Variants in C11orf65 observed in about 807,000 individuals in gnomAD.
C11orf65 encodes chromosome 11 open reading frame 65.
C11orf65 carries 38 observed loss-of-function variants against 35.3 expected under a neutral mutation model. The observed-to-expected ratio is 1.08, with a 90% confidence interval of 0.83 to 1.41. The LOEUF (loss-of-function observed/expected upper bound fraction) is 1.41, where lower values mean the gene tolerates loss of function less well. C11orf65 is among the 40% of genes most tolerant of loss of function. The probability of loss-of-function intolerance (pLI) is 0.00; values close to 1 mark genes in which losing one functional copy is unlikely to be tolerated. For synonymous variants in C11orf65, 105 were observed against 114.4 expected (o/e 0.92, Z 0.53); for missense variants, 370 against 367.1 (o/e 1.01, Z -0.06).
chr11:108,332,057 G>A lies in C11orf65; in HGVS notation c.300-490C>T, dbSNP rs775245736. ...GATGAGGTATTTGGATTAAACATACGTACCTTTTAGAAGTGTGATATTCAG... is the reference window on the plus strand; with the variant it reads ...GATGAGGTATTTGGATTAAACATACATACCTTTTAGAAGTGTGATATTCAG... On this transcript the variant is annotated intron_variant, in intron 3 of 3. Transcript: ENST00000524755. The A allele has an allele frequency of 8.7e-6, 14 of 1,611,888 alleles. No individual in the cohort carries two copies. The highest frequency in any genetic ancestry group is 5.5e-5 in the South Asian group (5 of 90,966).
At chr11:108,315,175 G>A (rs2084511458) in intron 6 of C11orf65, among the ~76,000 whole-genome samples, 1 of 152,212 alleles carries the variant, frequency 6.6e-6, no homozygotes, top group Admixed American at 6.5e-5. Context: ...AATTATTAGT[G>A]TCACATGGCA....
chr11:108,309,388 C>T (rs558307146), intron 6 of C11orf65, among the ~76,000 whole-genome samples: 4 of 152,280 alleles, frequency 2.6e-5, no homozygotes, highest in Admixed American at 2.6e-4. Flanking sequence ...TATTCATCAG[C>T]TTTGCAGGCA....
At chr11:108,418,731 A>C (rs1407283558) in intron 3 of C11orf65, among the ~76,000 whole-genome samples, 1 of 152,130 alleles carries the variant, frequency 6.6e-6, no homozygotes, top group African/African-American at 2.4e-5. Context: ...GGAAAAGACC[A>C]ATAAAAGTAA....
chr11:108,373,554 C>T (rs1321272873), intron 2 of C11orf65, among the ~76,000 whole-genome samples: 2 of 152,182 alleles, frequency 1.3e-5, no homozygotes, highest in Admixed American at 1.3e-4. Context: ...GCCAAGATGG[C>T]CAAATAGGAA....
At chr11:108,469,056 G>A (rs993342802), upstream of C11orf65, among the ~76,000 whole-genome samples, 1 of 151,864 alleles carries the variant, frequency 6.6e-6, no homozygotes, top group Non-Finnish European at 1.5e-5. Flanking sequence ...GTGTTAGCCA[G>A]GATGGTCTCA....
intron 6 of C11orf65, among the ~76,000 whole-genome samples, chr11:108,317,913 CAT>C (rs2084889485): frequency 6.6e-6 from 1 of 151,834 alleles, no homozygotes; most frequent in South Asian, 2.1e-4. Context: ...TATCATCTCG[CAT>C]AGTTTGTTGG....
chr11:108,446,820 T>G (rs1216976834), intron 2 of C11orf65, among the ~76,000 whole-genome samples: 2 of 152,230 alleles, frequency 1.3e-5, no homozygotes, highest in East Asian at 1.9e-4. Context: ...ATGCTCCAAT[T>G]AAAAGACACA....
chr11:108,335,134 G>T, intron 3 of C11orf65: 1 of 1,613,724 alleles, frequency 6.2e-7, no homozygotes, highest in African/African-American at 1.3e-5. Context: ...CTCTGGCTTA[G>T]CCCTTAGAGT....
chr11:108,459,075 T>A (rs1041321968), intron 2 of C11orf65, among the ~76,000 whole-genome samples: 7 of 152,158 alleles, frequency 4.6e-5, no homozygotes, highest in African/African-American at 1.7e-4. Context: ...GAGTAAGTAA[T>A]TACCAGGCTT....
At chr11:108,415,642 A>T (rs1335717412) in intron 3 of C11orf65, among the ~76,000 whole-genome samples, 1 of 152,218 alleles carries the variant, frequency 6.6e-6, no homozygotes, top group Non-Finnish European at 1.5e-5. Context: ...CAAAAGACCC[A>T]GAATAGCCAC....
Position 108,331,488 on chromosome 11 carries a change from G to A in C11orf65, c.*62C>T, listed in dbSNP as rs1591167543. Reference sequence around the variant, plus strand: ...CAACATATAAATTTTTGCCTCTTATGTACCAATTGGCTGCTAGAATGGGGA... The same window carrying A: ...CAACATATAAATTTTTGCCTCTTATATACCAATTGGCTGCTAGAATGGGGA... On this transcript the variant is annotated 3_prime_UTR_variant, in exon 4 of 4. Coordinates refer to the C11orf65 transcript ENST00000524755. 3.7e-6 allele frequency: 6 copies of A among 1,613,258 alleles called. No homozygotes were observed. The highest frequency in any genetic ancestry group is 5.1e-6 in the Non-Finnish European group (6 of 1,179,702).
chr11:108,328,956 G>A (rs2085966435), downstream of C11orf65: 1 of 1,465,178 alleles, frequency 6.8e-7, no homozygotes, highest in Admixed American at 1.7e-5. Flanking sequence ...ACCTTAATTT[G>A]AGTGATTCTT....
intron 2 of C11orf65, among the ~76,000 whole-genome samples, chr11:108,459,316 G>T (rs936184523): frequency 6.6e-6 from 1 of 151,944 alleles, no homozygotes; most frequent in Admixed American, 6.6e-5. Context: ...GTATGTATCT[G>T]TCTACAAGCA....
rs786203522 is a variant in C11orf65 at position 108,321,352 on chromosome 11, G to A, written c.641-12281C>T. ...AGCGCAGCCTTGAGTCTGTGTATTC[G>A]CTCTATCCCACACTTAGCAGGTTGC... On this transcript the variant is annotated intron_variant, in intron 6 of 6. Transcript: ENST00000525729. The A allele has an allele frequency of 2.5e-6, 4 of 1,613,988 alleles. No homozygotes were observed. Among genetic ancestry groups the A allele is most frequent in the East Asian group, 4.5e-5 (2 of 44,892 alleles).
At chr11:108,356,956 T>G (rs1237425758) in intron 2 of C11orf65, among the ~76,000 whole-genome samples, 1 of 152,178 alleles carries the variant, frequency 6.6e-6, no homozygotes, top group Non-Finnish European at 1.5e-5. Flanking sequence ...GATGGCCGAA[T>G]AGGAACAGCT....
chr11:108,360,655 T>C (rs2090616770), intron 2 of C11orf65, among the ~76,000 whole-genome samples: 2 of 149,418 alleles, frequency 1.3e-5, no homozygotes, highest in Admixed American at 1.3e-4. Flanking sequence ...TGCAAATCAA[T>C]AAATGTAATC....
intron 5 of C11orf65, 34 bp downstream of exon 5, chr11:108,406,729 G>A (rs746931850): frequency 1.3e-5 from 18 of 1,361,754 alleles, no homozygotes; most frequent in Admixed American, 6.0e-5. Context: ...TTCTAAATAC[G>A]TAAGGTTAAA....
In C11orf65 at chr11:108,421,116, T is replaced by A. The variant is rs7118793; in HGVS notation, c.174+10630A>T. ...CCCAACACCTGGCAAGCACTAGTCG[T>A]CTTTCTCTTTTTTGATAATCTCTAT... On this transcript the variant is annotated intron_variant, in intron 3 of 8. Transcript: ENST00000393084. Among the ~76,000 whole-genome samples the A allele has an allele frequency of 3.1e-3, 475 of 152,256 alleles. 1 individual carries two copies. The highest frequency in any genetic ancestry group is 0.011 in the African/African-American group (458 of 41,546).
intron 2 of C11orf65, chr11:108,367,531 T>A: frequency 4.9e-6 from 1 of 205,358 alleles, no homozygotes; most frequent in East Asian, 7.5e-5. Flanking sequence ...CGTGTATTAG[T>A]GAGTATAATC....
Sources: allele counts gnomAD v4.1 joint callset (sites outside exome capture counted in the v4.1 genomes callset), GRCh38; gene constraint gnomAD v4.1.1; transcripts MANE v1.5; gene names NCBI Gene and HGNC (gene_info 2026-07-23, HGNC 2026-07-21).